XKR6: variants seen among roughly 807,000 people sequenced by gnomAD.
XKR6 encodes the protein XK related 6, also known as XK-related protein 6.
XKR6 carries 22 observed loss-of-function variants against 56.7 expected under a neutral mutation model. That is an observed-to-expected ratio of 0.39 (90% CI 0.28 to 0.55). XKR6 has a LOEUF of 0.55. Among genes scored for constraint, XKR6 ranks in the 20% least tolerant of loss-of-function variants. XKR6 has a pLI of 0.66. For synonymous variants in XKR6, 524 were observed against 387.8 expected, an observed-to-expected ratio of 1.35 and a Z score of -4.13; for missense variants, 852 against 889.0, an observed-to-expected ratio of 0.96 and a Z score of 0.53.
At chr8:11,177,218 C>A (rs188817530) in intron 1 of XKR6, among the ~76,000 whole-genome samples, 1 of 152,324 alleles carries the variant, frequency 6.6e-6, no homozygotes, top group African/African-American at 2.4e-5. Flanking sequence ...CCTCCCACAG[C>A]TACAAAGACT....
chr8:11,001,789 G>A (rs933787317), intron 1 of XKR6, among the ~76,000 whole-genome samples: 2 of 152,188 alleles, frequency 1.3e-5, no homozygotes, highest in Non-Finnish European at 2.9e-5. Flanking sequence ...GCCTCCCAGT[G>A]GGCAGAGCAG....
At chr8:11,189,782 A>G (rs1259588043) in intron 1 of XKR6, among the ~76,000 whole-genome samples, 1 of 152,160 alleles carries the variant, frequency 6.6e-6, no homozygotes, top group Non-Finnish European at 1.5e-5. Context: ...CCCATCCCAG[A>G]TCTCTTGGAT....
intron 1 of XKR6, chr8:11,195,205 C>T: frequency 2.8e-6 from 2 of 703,060 alleles, no homozygotes; most frequent in Non-Finnish European, 5.2e-6. Context: ...CTTGATGGTA[C>T]CAAAGGGTCT....
chr8:10,921,025 G>A (rs1586307367), intron 2 of XKR6, among the ~76,000 whole-genome samples: 1 of 152,274 alleles, frequency 6.6e-6, no homozygotes, highest in African/African-American at 2.4e-5. Flanking sequence ...AGAGCAGCAT[G>A]ACACTGGGTC....
chr8:11,021,241 G>C (rs1244246891), intron 1 of XKR6, among the ~76,000 whole-genome samples: 2 of 152,190 alleles, frequency 1.3e-5, no homozygotes, highest in African/African-American at 2.4e-5. Flanking sequence ...GAGAGGAAGA[G>C]TTATACAGAA....
chr8:11,161,423 G>A (rs1230988136), intron 1 of XKR6, among the ~76,000 whole-genome samples: 3 of 152,116 alleles, frequency 2.0e-5, no homozygotes, highest in Non-Finnish European at 4.4e-5. Context: ...TGCTCATGAT[G>A]TCCCTAAAAA....
chr8:10,914,600 C>A (rs550403376), intron 2 of XKR6, among the ~76,000 whole-genome samples: 2 of 152,288 alleles, frequency 1.3e-5, no homozygotes. Flanking sequence ...TCAGGAGGCT[C>A]TTCTGTCTCC....
intron 1 of XKR6, among the ~76,000 whole-genome samples, chr8:10,965,341 G>T (rs776113096): frequency 3.9e-5 from 6 of 152,200 alleles, no homozygotes; most frequent in African/African-American, 7.2e-5. Context: ...ACGGTGGAAG[G>T]CTCCTCCGAG....
At chr8:10,990,264 G>A (rs1797958844) in intron 1 of XKR6, among the ~76,000 whole-genome samples, 1 of 152,242 alleles carries the variant, frequency 6.6e-6, no homozygotes, top group African/African-American at 2.4e-5. Flanking sequence ...TAGAGAAGGA[G>A]GCTGCTGTGG....
intron 1 of XKR6, among the ~76,000 whole-genome samples, chr8:10,971,395 T>C (rs1802406034): frequency 1.3e-5 from 2 of 152,040 alleles, no homozygotes. Context: ...CACTCCAGCC[T>C]GGGTGACAGA....
intron 1 of XKR6, among the ~76,000 whole-genome samples, chr8:11,042,976 C>T (rs150156095): frequency 2.8e-4 from 42 of 152,188 alleles, no homozygotes; most frequent in Admixed American, 9.8e-4. Flanking sequence ...GCCAGCCCCA[C>T]GAGCCCAGGG....
At chr8:10,916,639 G>A (rs757730296) in intron 2 of XKR6, among the ~76,000 whole-genome samples, 13 of 152,216 alleles carry the variant, frequency 8.5e-5, no homozygotes, top group Non-Finnish European at 1.5e-4. Context: ...TTTACCCATA[G>A]AAGGGATACT....
At chr8:10,966,138 G>A (rs774988006) in intron 1 of XKR6, among the ~76,000 whole-genome samples, 2 of 152,166 alleles carry the variant, frequency 1.3e-5, no homozygotes, top group Non-Finnish European at 2.9e-5. Flanking sequence ...CTCAAACCTC[G>A]GGTACATCCG....
At chr8:11,126,069 T>G (rs60383089) in intron 1 of XKR6, 91,284 of 151,920 alleles carry the variant, frequency 0.6, 30,450 homozygotes, top group African/African-American at 0.87. Context: ...TGTTTTTTTT[T>G]TTTTGTTTTG....
chr8:11,085,551 G>C (rs952073253), intron 1 of XKR6, among the ~76,000 whole-genome samples: 2 of 152,178 alleles, frequency 1.3e-5, no homozygotes, highest in African/African-American at 2.4e-5. Flanking sequence ...ATCTTGGCCA[G>C]AGGCAGGAGA....
intron 1 of XKR6, among the ~76,000 whole-genome samples, chr8:11,133,205 A>C (rs1159079353): frequency 6.6e-6 from 1 of 152,170 alleles, no homozygotes. Flanking sequence ...ATCAGAAGTA[A>C]GGTATCAAAA....
intron 1 of XKR6, among the ~76,000 whole-genome samples, chr8:10,942,668 C>T (rs1057383355): frequency 6.6e-6 from 1 of 152,196 alleles, no homozygotes; most frequent in Non-Finnish European, 1.5e-5. Flanking sequence ...TTCAGCGCCA[C>T]GCTGCCCCCA....
intron 1 of XKR6, among the ~76,000 whole-genome samples, chr8:11,149,198 C>T (rs907951919): frequency 2.6e-5 from 4 of 152,314 alleles, no homozygotes; most frequent in African/African-American, 4.8e-5. Flanking sequence ...TGCATTATTA[C>T]AGTGCACTTA....
At chr8:11,080,953 A>G (rs1386107603) in intron 1 of XKR6, among the ~76,000 whole-genome samples, 1 of 152,242 alleles carries the variant, frequency 6.6e-6, no homozygotes, top group East Asian at 1.9e-4. Context: ...ACAAGGAGAA[A>G]AAAATTCACA....
Sources: allele counts gnomAD v4.1 joint callset (sites outside exome capture counted in the v4.1 genomes callset), GRCh38; gene constraint gnomAD v4.1.1; transcripts MANE v1.5; gene names NCBI Gene and HGNC (gene_info 2026-07-23, HGNC 2026-07-21).